Variants in COG5 observed in about 807,000 individuals in gnomAD.
COG5 encodes the protein conserved oligomeric Golgi complex subunit 5.
A neutral mutation model predicts 110.4 loss-of-function variants in COG5; 86 were observed. That is an observed-to-expected ratio of 0.78 (90% CI 0.65 to 0.93). The LOEUF (loss-of-function observed/expected upper bound fraction) is 0.93. Among genes scored for constraint, COG5 ranks in the 40% least tolerant of loss-of-function variants. The pLI is 0.00. For missense variants in COG5, 1,077 were observed against 987.0 expected (o/e 1.09, Z -1.22); for synonymous variants, 360 against 334.6 (o/e 1.08, Z -0.83).
intron 16 of COG5, among the ~76,000 whole-genome samples, chr7:107,250,344 G>C (rs929884568): frequency 6.6e-6 from 1 of 152,010 alleles, no homozygotes; most frequent in African/African-American, 2.4e-5. Flanking sequence ...GAAGTGAACT[G>C]ACTGAGGTGT....
intron 21 of COG5, among the ~76,000 whole-genome samples, chr7:107,207,194 C>T (rs901853841): frequency 2.6e-5 from 4 of 152,194 alleles, no homozygotes; most frequent in African/African-American, 9.7e-5. Context: ...TAAGCCCAGG[C>T]TTTTCCCTGG....
At chr7:107,302,846 T>C (rs1807390119) in intron 11 of COG5, among the ~76,000 whole-genome samples, 1 of 152,206 alleles carries the variant, frequency 6.6e-6, no homozygotes, top group Admixed American at 6.6e-5. Flanking sequence ...CATGGGCCCA[T>C]GTCATATCAC....
chr7:107,393,281 C>T (rs1790757063), intron 7 of COG5, among the ~76,000 whole-genome samples: 1 of 152,122 alleles, frequency 6.6e-6, no homozygotes, highest in South Asian at 2.1e-4. Context: ...CTTACATCCC[C>T]TACCAAACTC....
chr7:107,421,523 G>T (rs1198376537), intron 6 of COG5, among the ~76,000 whole-genome samples: 1 of 152,212 alleles, frequency 6.6e-6, no homozygotes, highest in African/African-American at 2.4e-5. Flanking sequence ...GGGCACAGTG[G>T]CTCATGCCTG....
At chr7:107,284,405 G>C (rs955398658) in intron 12 of COG5, among the ~76,000 whole-genome samples, 2 of 152,264 alleles carry the variant, frequency 1.3e-5, no homozygotes, top group Middle Eastern at 3.4e-3. Flanking sequence ...GCATATGGAA[G>C]AAAGACCAGC....
chr7:107,300,023 C>T (rs982604233), intron 11 of COG5, among the ~76,000 whole-genome samples: 3 of 151,252 alleles, frequency 2.0e-5, no homozygotes, highest in Non-Finnish European at 4.4e-5. Context: ...ACCTGGTCAG[C>T]TTAATGTCTG....
intron 6 of COG5, among the ~76,000 whole-genome samples, chr7:107,415,717 T>A (rs1044346418): frequency 6.7e-6 from 1 of 149,920 alleles, no homozygotes; most frequent in Non-Finnish European, 1.5e-5. Flanking sequence ...TGTGCATGAA[T>A]GTATATATGT....
intron 16 of COG5, among the ~76,000 whole-genome samples, chr7:107,256,483 G>A (rs1025288038): frequency 2.6e-5 from 4 of 152,078 alleles, no homozygotes; most frequent in African/African-American, 9.7e-5. Context: ...ATACATGTAA[G>A]ACTTTTGCTT....
chr7:107,266,489 T>C (rs1803813810), intron 14 of COG5, among the ~76,000 whole-genome samples: 1 of 152,214 alleles, frequency 6.6e-6, no homozygotes, highest in Non-Finnish European at 1.5e-5. Flanking sequence ...AGGGTATATA[T>C]AGCTGCATTC....
intron 10 of COG5, among the ~76,000 whole-genome samples, chr7:107,350,403 T>C (rs967757385): frequency 3.3e-5 from 5 of 152,332 alleles, no homozygotes; most frequent in South Asian, 4.1e-4. Context: ...TTCATTTTCA[T>C]ATCTACCTAG....
chr7:107,365,074 CT>C (rs1261131258), intron 8 of COG5, among the ~76,000 whole-genome samples: 1 of 152,006 alleles, frequency 6.6e-6, no homozygotes, highest in Non-Finnish European at 1.5e-5. Context: ...ATATGTATGA[CT>C]TGGTTTTATT....
chr7:107,294,713 CTTT>C (rs796291188), intron 12 of COG5, among the ~76,000 whole-genome samples: 284 of 110,038 alleles, frequency 2.6e-3, no homozygotes, highest in Middle Eastern at 5.1e-3. Context: ...AATTTTCTTT[CTTT>C]TTTTTTTTTT....
intron 11 of COG5, among the ~76,000 whole-genome samples, chr7:107,320,696 G>A (rs2117047694): frequency 6.6e-6 from 1 of 152,264 alleles, no homozygotes; most frequent in African/African-American, 2.4e-5. Flanking sequence ...GATAAGTACG[G>A]AAAGAGAGAT....
At chr7:107,330,823 CTTTT>C (rs376987809) in intron 10 of COG5, among the ~76,000 whole-genome samples, 10 of 135,602 alleles carry the variant, frequency 7.4e-5, no homozygotes, top group African/African-American at 1.4e-4. Flanking sequence ...AGCTAGATCC[CTTTT>C]TTTTTTTTTT....
At chr7:107,506,923 G>A (rs115614354) in intron 6 of COG5, among the ~76,000 whole-genome samples, 2,262 of 152,278 alleles carry the variant, frequency 0.015, 57 homozygotes, top group African/African-American at 0.053. Flanking sequence ...GTTAGCTGGC[G>A]GACTTCCATG....
rs577253730 is a variant in COG5 at position 107,389,972 on chromosome 7, C to G, written c.670-17212G>C. On this transcript the variant is annotated intron_variant, in intron 7 of 21. Coordinates refer to ENST00000297135, the MANE Select transcript of COG5 (RefSeq NM_006348.5). ...GTTTTCCTTAAGGGAACCAATATTT[C>G]TATTTCACCCCAATACTCCACGTTT... 2.0e-5 allele frequency among the ~76,000 whole-genome samples: 3 copies of G among 152,302 alleles called. No homozygotes were observed. In the South Asian group the frequency reaches 6.2e-4, roughly 32 times the overall value.
intron 7 of COG5, among the ~76,000 whole-genome samples, chr7:107,400,166 C>T (rs1235057768): frequency 6.6e-6 from 1 of 151,942 alleles, no homozygotes; most frequent in African/African-American, 2.4e-5. Context: ...AACCTAAATG[C>T]TCATCAATAG....
intron 21 of COG5, among the ~76,000 whole-genome samples, chr7:107,207,466 T>C (rs1369232734): frequency 1.3e-5 from 2 of 152,034 alleles, no homozygotes; most frequent in African/African-American, 4.8e-5. Flanking sequence ...TAATAAGGTC[T>C]GTGAACATTT....
At chr7:107,542,602 C>A (rs1802117342) in intron 5 of COG5, among the ~76,000 whole-genome samples, 1 of 152,104 alleles carries the variant, frequency 6.6e-6, no homozygotes, top group Non-Finnish European at 1.5e-5. Flanking sequence ...ATAATGGTCC[C>A]AATCTGGAAA....
Sources: gnomAD v4.1 joint callset for allele counts (sites outside exome capture counted in the v4.1 genomes callset) on GRCh38, gnomAD v4.1.1 for gene constraint, MANE v1.5 for transcripts, NCBI Gene and HGNC (gene_info 2026-07-23, HGNC 2026-07-21) for gene names.